AATK: variants seen among roughly 807,000 people sequenced by gnomAD.
AATK encodes the protein lemur tail kinase 1.
Under a neutral mutation model 114.3 loss-of-function variants are expected in AATK, and 91 were observed. The observed-to-expected ratio is 0.80, with a 90% CI of 0.67 to 0.95. AATK has a LOEUF of 0.95. Ranked by LOEUF, AATK falls within the 40% of genes least tolerant of loss-of-function variation. AATK has a pLI of 0.00. For synonymous variants in AATK, 1,075 were observed against 916.5 expected (o/e 1.17, Z -3.12); for missense variants, 2,176 against 1,965.2 (o/e 1.11, Z -2.03).
At chr17:81,128,252 C>G (rs893678651) in intron 4 of AATK, among the ~76,000 whole-genome samples, 14 of 152,136 alleles carry the variant, frequency 9.2e-5, no homozygotes, top group African/African-American at 3.4e-4. Context: ...CCTCTCCCTC[C>G]CAGGGCCCCT....
chr17:81,138,372 GAC>G (rs759195611), intron 1 of AATK, among the ~76,000 whole-genome samples: 11 of 102,720 alleles, frequency 1.1e-4, no homozygotes, highest in South Asian at 6.7e-4. Flanking sequence ...CACTCCCATG[GAC>G]ACACGGGCAC....
At chr17:81,161,815 C>T (rs1020579429) in intron 1 of AATK, among the ~76,000 whole-genome samples, 3 of 152,070 alleles carry the variant, frequency 2.0e-5, no homozygotes, top group Admixed American at 6.6e-5. Context: ...GAGGGCATGG[C>T]GGGGAGTCGA....
intron 7 of AATK, chr17:81,125,912 G>A (rs571145993): frequency 5.1e-4 from 242 of 474,562 alleles, no homozygotes; most frequent in South Asian, 2.9e-3. Flanking sequence ...TGCTGGAGTC[G>A]CCTGAGTCAT....
rs753744089 is a variant in AATK, at chr17:81,121,162, G to A, written c.2774C>T (p.Thr925Ile). The change falls in exon 11 of 14, where the codon ACT becomes ATT. Residue 925 changes from threonine to isoleucine, a missense_variant. Physicochemically the swap from Thr to Ile is moderately conservative, Grantham distance 89. This residue lies in a region of AATK where 1,701 missense variants were observed against 1,394.7 expected (regional missense o/e 1.22). Coordinates refer to ENST00000326724, the MANE Select transcript of AATK (RefSeq NM_001080395.3). ...GGYEVFSPSA[T>I]GPSGGQPRAL... Reference sequence around the variant, plus strand: ...TCGCGGCTGCCCTCCAGAGGGGCCAGTGGCCGACGGGCTGAAGACCTCATA... The same window carrying A: ...TCGCGGCTGCCCTCCAGAGGGGCCAATGGCCGACGGGCTGAAGACCTCATA... 6.2e-7 allele frequency: 1 copy of A among 1,602,628 alleles called. No individual in the cohort carries two copies. Among genetic ancestry groups the A allele is most frequent in the South Asian group, 1.1e-5 (1 of 89,258 alleles).
intron 1 of AATK, among the ~76,000 whole-genome samples, chr17:81,140,719 G>A (rs2061113879): frequency 1.0e-5 from 1 of 99,756 alleles, no homozygotes; most frequent in African/African-American, 4.1e-5. Flanking sequence ...GTGAGACCGT[G>A]GGGCTGTGAG....
rs1327313956 is a variant in AATK, at chr17:81,122,298, G to C, written c.1638C>G (p.Asp546Glu). 1.1e-5 allele frequency: 17 copies of C among 1,508,872 alleles called. No homozygotes were observed. The highest frequency in any genetic ancestry group is 1.5e-5 in the Non-Finnish European group (17 of 1,134,924). The allele number at this position is 1,508,872 out of a possible 1,614,324, so 93.5% of individuals were successfully genotyped here. ...GTGGACTGGGGGCGCAGCCGGCGCA[G>C]TCAGGGTCGTGGCCGGCGGCGGGTG... ...EAAPAAGHDP[D>E]CAGCAPSPPA... Residue 546 changes from aspartate (D) to glutamate (E), a missense_variant, in exon 11 of 14, where the codon GAC (aspartate) becomes GAG (glutamate). Asp to Glu is a conservative substitution (Grantham distance 45, BLOSUM62 2). Transcript: ENST00000326724.
intron 4 of AATK, 87 bp downstream of exon 4, chr17:81,128,383 G>T: frequency 6.9e-7 from 1 of 1,445,288 alleles, no homozygotes; most frequent in Non-Finnish European, 9.4e-7. Context: ...GTCGGGGCTG[G>T]GGTGGCTCCT....
rs748411440 is a variant in AATK, at chr17:81,131,209, C to G, written c.190-4G>C. 6.4e-7 allele frequency: 1 copy of G among 1,566,432 alleles called. No homozygotes were observed. The highest frequency in any genetic ancestry group is 1.2e-5 in the South Asian group (1 of 85,854). ...CCCCCTCCGCATTCTCAAACTCCTG[C>G]GGGCCGGGCCGGGCATGAGCGGGGC... On this transcript the variant is annotated splice_region_variant and splice_polypyrimidine_tract_variant and intron_variant, in intron 2 of 13. Coordinates refer to ENST00000326724, the MANE Select transcript of AATK (RefSeq NM_001080395.3).
chr17:81,132,813 G>A (rs559648365), intron 2 of AATK: 27 of 225,562 alleles, frequency 1.2e-4, no homozygotes, highest in African/African-American at 5.9e-4. Context: ...CCAGTGTGGA[G>A]GCAGGACTTC....
In AATK at chr17:81,126,737, G is replaced by A. The variant is rs574223675; in HGVS notation, c.622-177C>T. ...ACCCAGCAGTTCCTGGAGGGGGGCC[G>A]TGTCCCCCAGGGCTGGGCTGGACTG... On this transcript the variant is annotated intron_variant, in intron 6 of 13. Coordinates refer to ENST00000326724, the MANE Select transcript of AATK (RefSeq NM_001080395.3). This position sits in a 1 kb window ranked among gnomAD's most constrained non-coding sequence, Gnocchi z 5.1. The A allele has an allele frequency of 1.5e-4, 206 of 1,416,406 alleles. No individual in the cohort carries two copies. The highest frequency in any genetic ancestry group is 2.2e-4 in the Middle Eastern group (1 of 4,510). 87.7% of individuals were successfully genotyped at this position (1,416,406 alleles called of 1,614,324 possible).
intron 1 of AATK, chr17:81,165,564 G>A: frequency 8.8e-7 from 1 of 1,141,192 alleles, no homozygotes; most frequent in Middle Eastern, 2.1e-4. Context: ...CCCAGGAGAG[G>A]CCATGGAAAG....
At chr17:81,152,420 T>C (rs1006827840) in intron 1 of AATK, among the ~76,000 whole-genome samples, 16 of 151,990 alleles carry the variant, frequency 1.1e-4, no homozygotes, top group African/African-American at 2.7e-4. Flanking sequence ...ACCCCGTCCC[T>C]ACAAAAATTT....
intron 1 of AATK, among the ~76,000 whole-genome samples, chr17:81,146,103 G>C (rs1429056508): frequency 3.8e-4 from 57 of 150,192 alleles, no homozygotes; most frequent in Admixed American, 3.8e-3. Flanking sequence ...GCAGGAGAAT[G>C]ACTTGAACTC....
chr17:81,118,060 C>T lies in AATK; in HGVS notation c.*342G>A. ...GGCATGCGGGTCCTCCGAGGCCAGGCAGGCAGGGCAGAGGGTGGGGGCCGC... is the reference window on the plus strand; with the variant it reads ...GGCATGCGGGTCCTCCGAGGCCAGGTAGGCAGGGCAGAGGGTGGGGGCCGC... On this transcript the variant is annotated 3_prime_UTR_variant, in exon 14 of 14. Coordinates refer to ENST00000326724, the MANE Select transcript of AATK (RefSeq NM_001080395.3). 7.6e-6 allele frequency: 2 copies of T among 261,938 alleles called. No individual in the cohort carries two copies. The highest frequency in any genetic ancestry group is 1.5e-5 in the Non-Finnish European group (2 of 136,924). 16.2% of individuals were successfully genotyped at this position (261,938 alleles called of 1,614,324 possible). A position where few individuals can be genotyped will look rare whatever the true frequency, so the allele number is the denominator to read the frequency against.
At chr17:81,133,488 C>T (rs551939013) in intron 2 of AATK, 132 of 280,096 alleles carry the variant, frequency 4.7e-4, no homozygotes, top group Non-Finnish European at 7.5e-4. Context: ...TCCCACCCTC[C>T]TCCCTCCCTG....
chr17:81,122,304 G>C lies in AATK; in HGVS notation c.1632C>G (p.Asp544Glu). 1 of 1,510,894 alleles carries C rather than the reference G, an allele frequency of 6.6e-7. No homozygotes were observed. Among genetic ancestry groups the C allele is most frequent in the Non-Finnish European group, 8.8e-7 (1 of 1,135,228 alleles). The allele number at this position is 1,510,894 out of a possible 1,614,324, so 93.6% of individuals were successfully genotyped here. A position where few individuals can be genotyped will look rare whatever the true frequency, so the allele number is the denominator to read the frequency against. Residue 544 changes from aspartate (D) to glutamate (E), a missense_variant, in exon 11 of 14, where the codon GAC (aspartate) becomes GAG (glutamate). Coordinates refer to ENST00000326724, the MANE Select transcript of AATK (RefSeq NM_001080395.3). ...TGGGGGCGCAGCCGGCGCAGTCAGG[G>C]TCGTGGCCGGCGGCGGGTGCGGCCT... Reference protein sequence around the residue: ...LEEAAPAAGHDPDCAGCAPSP... With the variant: ...LEEAAPAAGHEPDCAGCAPSP...
chr17:81,127,726 G>C, intron 5 of AATK, 56 bp from the exon 6 acceptor site: 1 of 1,528,932 alleles, frequency 6.5e-7, no homozygotes, highest in Non-Finnish European at 8.9e-7. Flanking sequence ...GGGGGAGTCG[G>C]GCCGAGCAGG....
At chr17:81,140,924 A>AG (rs2061125688) in intron 1 of AATK, among the ~76,000 whole-genome samples, 1 of 44,134 alleles carries the variant, frequency 2.3e-5, no homozygotes, top group African/African-American at 9.3e-5. Context: ...GGGCCGTGGG[A>AG]CCGTGGGACC....
intron 1 of AATK, among the ~76,000 whole-genome samples, chr17:81,156,303 C>CTATTTTAT (rs113343951): frequency 0.16 from 24,053 of 151,340 alleles, 2,819 homozygotes; most frequent in African/African-American, 0.33. Flanking sequence ...TTACTATGGC[C>CTATTTTAT]TGTGTTATTG....
Sources: gnomAD v4.1 joint callset for allele counts (sites outside exome capture counted in the v4.1 genomes callset) on GRCh38, gnomAD v4.1.1 for gene constraint, gnomAD v4.1.1 regional missense constraint, Gnocchi (gnomAD v3.1) non-coding constraint, MANE v1.5 for transcripts, NCBI Gene and HGNC (gene_info 2026-07-23, HGNC 2026-07-21) for gene names.